The following RIPOR3 variants were observed in gnomAD, a reference collection of about 807,000 sequenced individuals.
RIPOR3 encodes the protein family with sequence similarity 65 member C.
Under a neutral mutation model 114.3 loss-of-function variants are expected in RIPOR3, and 95 were observed. The observed-to-expected ratio is 0.83, with a 90% CI of 0.70 to 0.99. RIPOR3 has a LOEUF of 0.99. Among genes scored for constraint, RIPOR3 ranks in the 50% least tolerant of loss-of-function variants. RIPOR3 has a pLI of 0.00. For synonymous variants in RIPOR3, 575 were observed against 543.8 expected (o/e 1.06, Z -0.80); for missense variants, 1,252 against 1,266.9 (o/e 0.99, Z 0.18).
In RIPOR3 at chr20:50,608,141, C is replaced by T. The variant is rs141282093; in HGVS notation, c.956+248G>A. The stretch of plus-strand genomic sequence containing the variant: ...CCCCGGAAAGTGTCCCCCCAACCTT[C>T]CCTGTGGCTTTAATAGTCAGGGGTT... On this transcript the variant is annotated intron_variant, in intron 11 of 21. Transcript: ENST00000327979. Among the ~76,000 whole-genome samples, 580 of 152,316 alleles carry T rather than the reference C, an allele frequency of 3.8e-3. 4 individuals carry two copies. Among genetic ancestry groups the T allele is most frequent in the African/African-American group, 0.013 (543 of 41,570 alleles).
chr20:50,634,347 T>G (rs2084916250), intron 1 of RIPOR3, among the ~76,000 whole-genome samples: 2 of 152,132 alleles, frequency 1.3e-5, no homozygotes, highest in African/African-American at 4.8e-5. Context: ...CCACATGGAT[T>G]GGCTTCCTGG....
chr20:50,590,634 T>C (rs571632158), intron 19 of RIPOR3, among the ~76,000 whole-genome samples: 10 of 152,160 alleles, frequency 6.6e-5, no homozygotes, highest in Non-Finnish European at 1.5e-4. Flanking sequence ...TGGTGAAGGC[T>C]GTGAGGCCAC....
At chr20:50,642,530 C>G (rs1165938896) in intron 1 of RIPOR3, among the ~76,000 whole-genome samples, 1 of 151,832 alleles carries the variant, frequency 6.6e-6, no homozygotes, top group Non-Finnish European at 1.5e-5. Context: ...TGTTTAATTC[C>G]CTGGGGGAGA....
chr20:50,611,039 G>A (rs552270872), intron 5 of RIPOR3, 133 bp from the exon 6 acceptor site: 225 of 1,104,612 alleles, frequency 2.0e-4, no homozygotes, highest in East Asian at 4.2e-4. Context: ...AAGGCTCATC[G>A]CAGAGACTCA....
chr20:50,597,690 C>G lies in RIPOR3; in HGVS notation c.1680G>C (p.Glu560Asp). 6.2e-7 allele frequency: 1 copy of G among 1,611,810 alleles called. No homozygotes were observed. Among genetic ancestry groups the G allele is most frequent in the Non-Finnish European group, 8.5e-7 (1 of 1,179,120 alleles). Residue 560 changes from glutamate (E) to aspartate (D), a missense_variant, in exon 14 of 22, where the codon GAG (glutamate) becomes GAC (aspartate). Physicochemically the swap from Glu to Asp is conservative, Grantham distance 45 (BLOSUM62 2). Transcript: ENST00000327979. ...CCATCAGGCTCTCGGCCGAGGTGTG[C>G]TCCTGCCGTGCTCTGCAGGGCTGTG... Reference protein sequence around the residue: ...DRLKPCRARQEHTSAESLMEC... With the variant: ...DRLKPCRARQDHTSAESLMEC...
intron 11 of RIPOR3, among the ~76,000 whole-genome samples, chr20:50,606,513 GT>G (rs1388609367): frequency 6.6e-6 from 1 of 152,156 alleles, no homozygotes; most frequent in Non-Finnish European, 1.5e-5. Context: ...GAAAGGGAGG[GT>G]GTATGGATGG....
At chr20:50,625,073 T>G (rs577781289) in intron 2 of RIPOR3, among the ~76,000 whole-genome samples, 33 of 151,190 alleles carry the variant, frequency 2.2e-4, no homozygotes, top group African/African-American at 7.3e-4. Context: ...TGCTTTTGTT[T>G]TTTTTTTTTT....
At position 50,677,663 on chromosome 20, in the gene RIPOR3, C is replaced by T. The variant is rs189151962; in HGVS notation, c.3+13463G>A. Among the ~76,000 whole-genome samples the T allele has an allele frequency of 8.4e-3, 1,258 of 148,944 alleles. 13 individuals are homozygous for T. The highest frequency in any genetic ancestry group is 0.03 in the African/African-American group (1,203 of 40,518). ...CTGGGATTACAGGCGTGAGCCACCG[C>T]GCCTGGCCTTTTTTTTTTTTTTTTG... is the stretch of plus-strand genomic sequence containing the variant. On this transcript the variant is annotated intron_variant, in intron 1 of 21. Transcript: ENST00000327979.
At chr20:50,658,525 G>A (rs1367782048) in intron 1 of RIPOR3, among the ~76,000 whole-genome samples, 1 of 152,116 alleles carries the variant, frequency 6.6e-6, no homozygotes, top group Non-Finnish European at 1.5e-5. Flanking sequence ...CTGGACAACA[G>A]AGTGAGATCC....
intron 1 of RIPOR3, among the ~76,000 whole-genome samples, chr20:50,655,000 A>G (rs2085757929): frequency 6.6e-6 from 1 of 152,208 alleles, no homozygotes; most frequent in Admixed American, 6.5e-5. Context: ...TTGCCCAACT[A>G]GGCCCCCCAG....
At chr20:50,679,137 T>A (rs866596820) in intron 1 of RIPOR3, among the ~76,000 whole-genome samples, 80 of 78,662 alleles carry the variant, frequency 1.0e-3, no homozygotes, top group African/African-American at 4.3e-3. Context: ...AAAAAAAAAA[T>A]ATATATATAT....
rs1217921276 is a variant in RIPOR3, at chr20:50,669,032, GCA to G, written c.3+22092_3+22093del. ...GCACACACAGGACAGTCACACACAT[GCA>G]CACACACGCATGCACATGCACACTC... On this transcript the variant is annotated intron_variant, in intron 1 of 21. Transcript: ENST00000327979. 7.9e-5 allele frequency among the ~76,000 whole-genome samples: 12 copies of G among 151,994 alleles called. No homozygotes were observed. In the South Asian group the frequency reaches 2.5e-3, roughly 32 times the overall value.
intron 4 of RIPOR3, among the ~76,000 whole-genome samples, chr20:50,613,259 C>A (rs919843709): frequency 2.0e-5 from 3 of 151,860 alleles, no homozygotes; most frequent in Non-Finnish European, 4.4e-5. Flanking sequence ...ACCAGCCTGG[C>A]CAACATGGTG....
chr20:50,593,087 C>T lies in RIPOR3; in HGVS notation c.2322G>A (p.Gln774=), dbSNP rs377612084. ...ITWFQFHSYL[Q]RQSVSDLEKH... ...TCTCCAGGTCAGAGACGCTCTGCCT[C>T]TGCAGGTAGCTGTGAAACTGGAACC... The change falls in exon 18 of 22, where the codon CAG becomes CAA. Residue 774 remains glutamine, a synonymous_variant. Coordinates refer to ENST00000327979, the MANE Select transcript of RIPOR3 (RefSeq NM_001290268.2). The T allele has an allele frequency of 3.1e-5, 50 of 1,614,054 alleles. No individual in the cohort carries two copies. The highest frequency in any genetic ancestry group is 4.0e-5 in the Non-Finnish European group (47 of 1,180,062).
rs1288787190 is a variant in RIPOR3, at chr20:50,648,808, G to A, written c.4-17952C>T. 2.6e-5 allele frequency among the ~76,000 whole-genome samples: 4 copies of A among 152,040 alleles called. No homozygotes were observed. The East Asian group carries it at 7.7e-4, about 29-fold the overall frequency. ...GTTCGTGCTCCTGTGAGAATTGAAC[G>A]CCTCCACTGATCAGACAGGAGGTAA... On this transcript the variant is annotated intron_variant, in intron 1 of 21. Coordinates refer to ENST00000327979, the MANE Select transcript of RIPOR3 (RefSeq NM_001290268.2).
chr20:50,619,822 G>C (rs780736041), intron 3 of RIPOR3, among the ~76,000 whole-genome samples, 164 bp downstream of exon 3: 14 of 152,220 alleles, frequency 9.2e-5, no homozygotes, highest in Non-Finnish European at 1.9e-4. Flanking sequence ...ACCGGGCTGA[G>C]CACGCGGCTG....
At chr20:50,673,901 A>C (rs1466587504) in intron 1 of RIPOR3, among the ~76,000 whole-genome samples, 1 of 151,914 alleles carries the variant, frequency 6.6e-6, no homozygotes, top group Non-Finnish European at 1.5e-5. Context: ...TTCATGAACC[A>C]TTTTTCCATT....
At chr20:50,608,121 G>T (rs915560996) in intron 11 of RIPOR3, among the ~76,000 whole-genome samples, 1 of 152,180 alleles carries the variant, frequency 6.6e-6, no homozygotes, top group African/African-American at 2.4e-5. Context: ...GGAGGCCCCG[G>T]AAAGTGTCCC....
At chr20:50,666,301 C>G (rs907927059) in intron 1 of RIPOR3, among the ~76,000 whole-genome samples, 3 of 148,166 alleles carry the variant, frequency 2.0e-5, no homozygotes, top group African/African-American at 5.0e-5. Context: ...CTCGGCTCAC[C>G]GCAATCTCCG....
Sources: allele counts gnomAD v4.1 joint callset (sites outside exome capture counted in the v4.1 genomes callset), GRCh38; gene constraint gnomAD v4.1.1; transcripts MANE v1.5; gene names NCBI Gene and HGNC (gene_info 2026-07-23, HGNC 2026-07-21).